Variants in BFSP1 observed in about 807,000 individuals in gnomAD.
BFSP1 encodes filensin.
In BFSP1, 38 loss-of-function variants were observed where a neutral mutation model predicts 43.9. The observed-to-expected ratio is 0.87, with a 90% CI of 0.67 to 1.14. The LOEUF (loss-of-function observed/expected upper bound fraction) is 1.14, where lower values mean the gene tolerates loss of function less well. Ranked by LOEUF, BFSP1 falls within the 50% of genes most tolerant of loss-of-function variation. The pLI is 0.00. For synonymous variants in BFSP1, 352 were observed against 354.8 expected, an observed-to-expected ratio of 0.99 and a Z score of 0.09; for missense variants, 850 against 875.1, an observed-to-expected ratio of 0.97 and a Z score of 0.36.
intron 5 of BFSP1, among the ~76,000 whole-genome samples, chr20:17,505,437 A>C (rs1439211175): frequency 1.3e-5 from 2 of 152,138 alleles, no homozygotes; most frequent in Non-Finnish European, 2.9e-5. Flanking sequence ...CCTGCTGTGG[A>C]GAGTTCGGGA....
chr20:17,520,210 G>GCCC (rs138070825), intron 2 of BFSP1, among the ~76,000 whole-genome samples: 35 of 133,402 alleles, frequency 2.6e-4, no homozygotes, highest in South Asian at 1.5e-3. Flanking sequence ...GTTTTAACGT[G>GCCC]CCCCCCCACC....
intron 1 of BFSP1, among the ~76,000 whole-genome samples, chr20:17,568,736 G>A (rs1372035396): frequency 6.6e-6 from 1 of 152,030 alleles, no homozygotes; most frequent in African/African-American, 2.4e-5. Context: ...AGGGTAATGA[G>A]AAATGGGTTC....
At chr20:17,524,743 G>T in intron 2 of BFSP1, 105 bp downstream of exon 2, 2 of 1,259,536 alleles carry the variant, frequency 1.6e-6, no homozygotes, top group South Asian at 1.2e-5. Context: ...AAGAAGTAGT[G>T]ACCGCCAAAG....
At chr20:17,519,867 T>C (rs2123505622) in intron 2 of BFSP1, among the ~76,000 whole-genome samples, 1 of 152,306 alleles carries the variant, frequency 6.6e-6, no homozygotes, top group East Asian at 1.9e-4. Context: ...TGAGGAAAAT[T>C]TGTTTTGGAA....
chr20:17,547,293 A>C (rs995548892), intron 1 of BFSP1, among the ~76,000 whole-genome samples: 7 of 152,126 alleles, frequency 4.6e-5, no homozygotes, highest in Non-Finnish European at 8.8e-5. Flanking sequence ...CATCCTTCTT[A>C]TTCTTAAGGA....
chr20:17,528,093 C>T (rs2034459817), intron 1 of BFSP1, among the ~76,000 whole-genome samples: 1 of 152,172 alleles, frequency 6.6e-6, no homozygotes, highest in African/African-American at 2.4e-5. Flanking sequence ...AGGTAGCCAT[C>T]AACTCACCTC....
rs577672397 is a variant in BFSP1, at chr20:17,529,090, T to TGTGTGTGTGTGTGTGTGAGA, written c.377+1862_377+1863insTCTCACACACACACACACAC. ...GTGTGTGTGTGTGTGTGTGTGTGTG[T>TGTGTGTGTGTGTGTGTGAGA]GAGACAGAGTCTCACTCTGTCACCC... On this transcript the variant is annotated intron_variant, in intron 1 of 7. Coordinates refer to ENST00000377873, the MANE Select transcript of BFSP1 (RefSeq NM_001195.5). Among the ~76,000 whole-genome samples, 207 of 151,602 alleles carry TGTGTGTGTGTGTGTGTGAGA rather than the reference T, an allele frequency of 1.4e-3. 1 individual carries two copies. The highest frequency in any genetic ancestry group is 4.8e-3 in the African/African-American group (196 of 41,056).
At chr20:17,500,658 GA>G (rs1294403709) in intron 5 of BFSP1, among the ~76,000 whole-genome samples, 1 of 152,014 alleles carries the variant, frequency 6.6e-6, no homozygotes, top group Admixed American at 6.5e-5. Flanking sequence ...CACTTTTAAC[GA>G]GATGTTTCTG....
chr20:17,535,926 CTTAT>C (rs1349801244), upstream of BFSP1, among the ~76,000 whole-genome samples: 4 of 152,006 alleles, frequency 2.6e-5, no homozygotes, highest in Non-Finnish European at 5.9e-5. Flanking sequence ...AACAATTTTA[CTTAT>C]TTATTTTATT....
rs553304401 is a variant in BFSP1 at position 17,518,234 on chromosome 20, CA to C, written c.439-3419del. ...AATTACAAAAAGGGACACATTTTTC[CA>C]GATCCAGGACACTGAACTGTCCAAA... is the stretch of plus-strand genomic sequence containing the variant. On this transcript the variant is annotated intron_variant, in intron 2 of 7. Coordinates refer to ENST00000377873, the MANE Select transcript of BFSP1 (RefSeq NM_001195.5). Among the ~76,000 whole-genome samples the C allele has an allele frequency of 1.8e-4, 28 of 152,294 alleles. No homozygotes were observed. The South Asian group carries it at 5.4e-3, about 29-fold the overall frequency.
chr20:17,562,458 T>G (rs2035075504), upstream of BFSP1, among the ~76,000 whole-genome samples: 1 of 130,166 alleles, frequency 7.7e-6, no homozygotes, highest in African/African-American at 3.0e-5. Flanking sequence ...GCCTGGGAGG[T>G]GGAGGTTGCA....
chr20:17,501,853 G>A (rs2033811782), intron 5 of BFSP1, among the ~76,000 whole-genome samples: 1 of 152,224 alleles, frequency 6.6e-6, no homozygotes, highest in African/African-American at 2.4e-5. Context: ...TCTCTCCTGG[G>A]AATCTGGAAA....
intron 2 of BFSP1, among the ~76,000 whole-genome samples, chr20:17,524,568 C>G (rs1438077536): frequency 6.6e-6 from 1 of 152,208 alleles, no homozygotes; most frequent in Non-Finnish European, 1.5e-5. Context: ...ACAAGTAAAA[C>G]AGCAGCTTGT....
intron 1 of BFSP1, 127 bp downstream of exon 1, chr20:17,530,826 G>A: frequency 9.3e-7 from 1 of 1,070,196 alleles, no homozygotes. Flanking sequence ...GTGCAGGGAT[G>A]AGGTCATCGA....
rs143928151 is a variant in BFSP1, at chr20:17,494,176, G to T, written c.1896C>A (p.Ser632=). ...CTTCATATGTCTGAATGCTCTCCGT[G>T]GAAATCTTCTCGATAGATTCCACCA... ...VEVVESIEKI[S]TESIQTYEET... Residue 632 remains serine (S), a synonymous_variant, in exon 8 of 8, where the codon TCC becomes TCA. Transcript: ENST00000377873. 1.9e-6 allele frequency: 3 copies of T among 1,614,130 alleles called. No individual in the cohort carries two copies. In the African/African-American group the frequency reaches 4.0e-5, roughly 22 times the overall value.
chr20:17,546,013 C>G (rs1343969442), intron 1 of BFSP1, among the ~76,000 whole-genome samples: 1 of 152,154 alleles, frequency 6.6e-6, no homozygotes, highest in Non-Finnish European at 1.5e-5. Flanking sequence ...TACCACTTAC[C>G]TTGAATTCTT....
chr20:17,536,381 T>C (rs566712549), intron 1 of BFSP1, among the ~76,000 whole-genome samples: 162 of 152,146 alleles, frequency 1.1e-3, no homozygotes, highest in Non-Finnish European at 2.2e-3. Flanking sequence ...TGAAACCCCA[T>C]GTCGACAAAA....
chr20:17,501,697 T>C (rs1322937858), intron 5 of BFSP1, among the ~76,000 whole-genome samples: 2 of 151,842 alleles, frequency 1.3e-5, no homozygotes, highest in Non-Finnish European at 2.9e-5. Context: ...TTTGGGGAGA[T>C]GTCTGTCCAG....
At chr20:17,503,135 C>T (rs1244229013) in intron 5 of BFSP1, among the ~76,000 whole-genome samples, 1 of 152,092 alleles carries the variant, frequency 6.6e-6, no homozygotes, top group Non-Finnish European at 1.5e-5. Flanking sequence ...GTGGTCCCCA[C>T]ACCTTTGTCT....
Sources: allele counts gnomAD v4.1 joint callset (sites outside exome capture counted in the v4.1 genomes callset), GRCh38; gene constraint gnomAD v4.1.1; transcripts MANE v1.5; gene names NCBI Gene and HGNC (gene_info 2026-07-23, HGNC 2026-07-21).